Variants in PRKCZ observed in about 807,000 individuals in gnomAD.
PRKCZ encodes protein kinase C zeta, also known as protein kinase C zeta type.
PRKCZ carries 33 observed loss-of-function variants against 79.5 expected under a neutral mutation model. The observed-to-expected ratio is 0.41, with a 90% CI of 0.31 to 0.55. PRKCZ has a LOEUF of 0.55. Ranked by LOEUF, PRKCZ falls within the 20% of genes least tolerant of loss-of-function variation. PRKCZ has a pLI of 0.19. For synonymous variants in PRKCZ, 342 were observed against 320.9 expected (o/e 1.07, Z -0.70); for missense variants, 578 against 813.5 (o/e 0.71, Z 3.52).
At chr1:2,072,874 C>T (rs993514554) in intron 4 of PRKCZ, among the ~76,000 whole-genome samples, 3 of 152,102 alleles carry the variant, frequency 2.0e-5, no homozygotes, top group South Asian at 2.1e-4. Flanking sequence ...CAGTGCGAAG[C>T]GGCCCATGTA....
intron 10 of PRKCZ, among the ~76,000 whole-genome samples, chr1:2,158,030 C>G (rs1308081253): frequency 3.3e-5 from 5 of 152,330 alleles, no homozygotes; most frequent in African/African-American, 9.6e-5. Context: ...GCACTCTTGG[C>G]TCTCCTGACC....
At chr1:2,080,430 G>C (rs972976212) in intron 4 of PRKCZ, among the ~76,000 whole-genome samples, 2 of 146,846 alleles carry the variant, frequency 1.4e-5, no homozygotes, top group African/African-American at 5.5e-5. Flanking sequence ...GGGTTTTAAG[G>C]AGGGCAAAGG....
At position 2,059,911 on chromosome 1, in the gene PRKCZ, A is replaced by G. The variant is rs866488226; in HGVS notation, c.334+320A>G. Reference sequence around the variant, plus strand: ...TGCTCCTTTGTGGCTGCCTCAGCTCACGACCACCCCTAGGCCAGTCGTCTG... The same window carrying G: ...TGCTCCTTTGTGGCTGCCTCAGCTCGCGACCACCCCTAGGCCAGTCGTCTG... On this transcript the variant is annotated intron_variant, in intron 4 of 17. Coordinates refer to ENST00000378567, the MANE Select transcript of PRKCZ (RefSeq NM_002744.6). 5.9e-5 allele frequency among the ~76,000 whole-genome samples: 9 copies of G among 152,134 alleles called. No homozygotes were observed. In the South Asian group the frequency reaches 6.2e-4, roughly 11 times the overall value.
chr1:2,116,192 C>G (rs1315761204), intron 4 of PRKCZ: 1 of 152,334 alleles, frequency 6.6e-6, no homozygotes, highest in East Asian at 1.9e-4. Flanking sequence ...CACAGTCACT[C>G]TGGGTCGTGT....
chr1:2,172,388 G>A lies in PRKCZ; in HGVS notation c.1285G>A (p.Gly429Arg). The A allele has an allele frequency of 1.2e-6, 2 of 1,611,722 alleles. No individual in the cohort carries two copies. The highest frequency in any genetic ancestry group is 1.7e-6 in the Non-Finnish European group (2 of 1,179,220). ...CGAAATCCTGCGGGGAGAGGAGTAC[G>A]GTGAGTGCCGCTGCCCTGGCCCCTC... ...APEILRGEEY[G>R]FSVDWWALGV... The change falls in exon 13 of 18, where the codon GGG (glycine) becomes AGG (arginine). Residue 429 changes from glycine (G) to arginine (R), a missense_variant and splice_region_variant. Transcript: ENST00000378567. The surrounding 1 kb of genome is among the most constrained non-coding windows in gnomAD (Gnocchi z 7.8).
At chr1:2,069,173 G>A (rs560539865) in intron 4 of PRKCZ, among the ~76,000 whole-genome samples, 35 of 151,758 alleles carry the variant, frequency 2.3e-4, no homozygotes, top group Non-Finnish European at 4.0e-4. Context: ...AGCCCCGCCC[G>A]GGAGAGCCCT....
chr1:2,115,008 C>A (rs529713026), intron 4 of PRKCZ, among the ~76,000 whole-genome samples: 1 of 152,272 alleles, frequency 6.6e-6, no homozygotes, highest in Non-Finnish European at 1.5e-5. Context: ...CATAGCTGAT[C>A]CGTGTGTAGC....
chr1:2,184,898 C>T, intron 17 of PRKCZ, 24 bp from the exon 18 acceptor site: 2 of 1,599,318 alleles, frequency 1.3e-6, no homozygotes, highest in Non-Finnish European at 1.7e-6. Context: ...TCACCCCCCT[C>T]CCCCCTGCCA....
At position 2,061,209 on chromosome 1, in the gene PRKCZ, T is replaced by C. The variant is rs915970520; in HGVS notation, c.334+1618T>C. Reference sequence around the variant, plus strand: ...CCCAGAGGTATCCACATGCGGCCAGTGTAGCCCCTGGGCGCGGGGGAAGCC... The same window carrying C: ...CCCAGAGGTATCCACATGCGGCCAGCGTAGCCCCTGGGCGCGGGGGAAGCC... On this transcript the variant is annotated intron_variant, in intron 4 of 17. Coordinates refer to ENST00000378567, the MANE Select transcript of PRKCZ (RefSeq NM_002744.6). Among the ~76,000 whole-genome samples the C allele has an allele frequency of 3.9e-5, 6 of 152,170 alleles. 1 individual carries two copies. The highest frequency in any genetic ancestry group is 1.4e-4 in the African/African-American group (6 of 41,436).
At chr1:2,108,009 CAAGG>C (rs1668930162) in intron 4 of PRKCZ, among the ~76,000 whole-genome samples, 1 of 152,206 alleles carries the variant, frequency 6.6e-6, no homozygotes, top group Non-Finnish European at 1.5e-5. Flanking sequence ...CCGGCAGTGT[CAAGG>C]GAGCCTGCCT....
chr1:2,121,544 A>AGTTAGGG (rs1671927712), intron 4 of PRKCZ, among the ~76,000 whole-genome samples: 5 of 3,020 alleles, frequency 1.7e-3, no homozygotes, highest in African/African-American at 7.4e-3. Context: ...TTAGGGTTAT[A>AGTTAGGG]TCAGTAGTTA....
intron 4 of PRKCZ, among the ~76,000 whole-genome samples, chr1:2,112,917 CCT>C (rs1264680410): frequency 6.6e-6 from 1 of 152,224 alleles, no homozygotes. Flanking sequence ...GTCTCGAACT[CCT>C]GACCTCAGGC....
chr1:2,092,821 G>A (rs887551749), intron 4 of PRKCZ, among the ~76,000 whole-genome samples: 4 of 152,222 alleles, frequency 2.6e-5, no homozygotes, highest in African/African-American at 9.7e-5. Flanking sequence ...GGGGCCAGGT[G>A]GACCCCTGCA....
At chr1:2,077,198 G>C (rs1223590764) in intron 4 of PRKCZ, among the ~76,000 whole-genome samples, 1 of 152,268 alleles carries the variant, frequency 6.6e-6, no homozygotes, top group Non-Finnish European at 1.5e-5. Context: ...GCACACAGGA[G>C]AGTTTACACG....
chr1:2,126,069 C>T (rs977292284), intron 4 of PRKCZ, among the ~76,000 whole-genome samples: 2 of 151,894 alleles, frequency 1.3e-5, no homozygotes, highest in Admixed American at 6.5e-5. Flanking sequence ...GGGGCAGCGT[C>T]ACCTGGGGGT....
intron 4 of PRKCZ, among the ~76,000 whole-genome samples, chr1:2,084,614 G>A (rs1664154185): frequency 6.6e-6 from 1 of 152,228 alleles, no homozygotes; most frequent in Non-Finnish European, 1.5e-5. Flanking sequence ...GGTGAGTGGG[G>A]CATGGAGGCG....
chr1:2,074,648 G>C, intron 4 of PRKCZ: 1 of 381,974 alleles, frequency 2.6e-6, no homozygotes, highest in Non-Finnish European at 4.9e-6. Flanking sequence ...TGACAGTGTT[G>C]GGTTGGAGTC....
intron 4 of PRKCZ, among the ~76,000 whole-genome samples, chr1:2,088,090 A>T (rs1449590895): frequency 6.6e-6 from 1 of 152,156 alleles, no homozygotes. Flanking sequence ...TCGGGCTCGG[A>T]TGCTGCCTGA....
At chr1:2,057,987 C>T (rs1364665922) in intron 3 of PRKCZ, among the ~76,000 whole-genome samples, 3 of 152,352 alleles carry the variant, frequency 2.0e-5, no homozygotes, top group African/African-American at 2.4e-5. Context: ...TCTGCCTCAC[C>T]CTCCCAAGTA....
Sources: allele counts gnomAD v4.1 joint callset (sites outside exome capture counted in the v4.1 genomes callset), GRCh38; gene constraint gnomAD v4.1.1; non-coding constraint Gnocchi (gnomAD v3.1); transcripts MANE v1.5; gene names NCBI Gene and HGNC (gene_info 2026-07-23, HGNC 2026-07-21).